Variants in LMF1 observed in about 807,000 individuals in gnomAD.
LMF1 encodes the protein transmembrane protein 112.
In LMF1, 68 loss-of-function variants were observed where a neutral mutation model predicts 60.6. The observed-to-expected ratio is 1.12, with a 90% confidence interval of 0.92 to 1.37. The LOEUF is 1.37. Ranked by LOEUF, LMF1 falls within the 40% of genes most tolerant of loss-of-function variation. The probability of loss-of-function intolerance (pLI) is 0.00; values close to 1 mark genes in which losing one functional copy is unlikely to be tolerated. For missense variants in LMF1, 948 were observed against 767.2 expected, an observed-to-expected ratio of 1.24 and a Z score of -2.78; for synonymous variants, 418 against 324.7, an observed-to-expected ratio of 1.29 and a Z score of -3.09.
intron 1 of LMF1, among the ~76,000 whole-genome samples, chr16:963,346 C>T (rs1041375044): frequency 6.6e-6 from 1 of 152,122 alleles, no homozygotes. Flanking sequence ...GCTTCCACAG[C>T]TCAGGCCAGT....
At chr16:863,951 AAAC>A (rs1268728405) in intron 10 of LMF1, among the ~76,000 whole-genome samples, 1 of 152,242 alleles carries the variant, frequency 6.6e-6, no homozygotes, top group Non-Finnish European at 1.5e-5. Flanking sequence ...CATATTCTAT[AAAC>A]ATCATTAGGC....
chr16:956,213 C>T (rs867339348), intron 1 of LMF1, among the ~76,000 whole-genome samples: 46 of 142,262 alleles, frequency 3.2e-4, no homozygotes, highest in Middle Eastern at 4.0e-3. Context: ...TCCGAGTTCA[C>T]GTCCCACGGC....
intron 2 of LMF1, among the ~76,000 whole-genome samples, chr16:950,017 C>T (rs547184): frequency 8.2e-5 from 9 of 109,740 alleles, no homozygotes; most frequent in East Asian, 2.5e-4. Flanking sequence ...TCAGAGCCAA[C>T]GACAGAGTCA....
chr16:941,813 C>T (rs76133478), intron 2 of LMF1, among the ~76,000 whole-genome samples: 13 of 152,288 alleles, frequency 8.5e-5, no homozygotes, highest in East Asian at 5.8e-4. Context: ...TCTCGCTTCA[C>T]GTAGAATTTA....
intron 3 of LMF1, among the ~76,000 whole-genome samples, chr16:919,839 C>T (rs1488554784): frequency 2.0e-5 from 3 of 152,116 alleles, no homozygotes; most frequent in Non-Finnish European, 4.4e-5. Flanking sequence ...GGTGAAGCAG[C>T]CAGCATCCAC....
chr16:858,739 T>A (rs376401245), intron 10 of LMF1, among the ~76,000 whole-genome samples: 2,009 of 23,780 alleles, frequency 0.084, 199 homozygotes, highest in Middle Eastern at 0.13. Context: ...GAGTGGTGTC[T>A]CGGGACGGGT....
At chr16:881,705 C>T (rs765019391) in intron 5 of LMF1, among the ~76,000 whole-genome samples, 36 of 152,202 alleles carry the variant, frequency 2.4e-4, no homozygotes, top group Non-Finnish European at 4.6e-4. Flanking sequence ...TGCCACTTCC[C>T]TTTTAGGCTG....
chr16:972,496 A>T (rs2073069042), upstream of LMF1, among the ~76,000 whole-genome samples: 1 of 152,118 alleles, frequency 6.6e-6, no homozygotes, highest in African/African-American at 2.4e-5. Context: ...CCAGCTTAGG[A>T]AGGGCCGGCA....
chr16:970,997 C>CTCCCGGAGGCCCCGCCCAT (rs1567343088), upstream of LMF1: 1 of 1,447,046 alleles, frequency 6.9e-7, no homozygotes. Context: ...GGAGGGCGCA[C>CTCCCGGAGGCCCCGCCCAT]TCCCGGAGGC....
rs1257249441 is a variant in LMF1, at chr16:954,539, G to A, written c.321C>T (p.Phe107=). 12 of 1,613,176 alleles carry A rather than the reference G, an allele frequency of 7.4e-6. 1 individual carries two copies. Among genetic ancestry groups the A allele is most frequent in the South Asian group, 6.6e-5 (6 of 91,010 alleles). Residue 107 remains phenylalanine, a synonymous_variant, in exon 2 of 11, where the codon TTC becomes TTT. Coordinates refer to ENST00000262301, the MANE Select transcript of LMF1 (RefSeq NM_022773.4). ...GCCAGAGGATGGTGGGCATGTAGCT[G>A]AAGACTTCCCAGCTCGTCCTGTCCT... is the stretch of plus-strand genomic sequence containing the variant. The part of the protein sequence containing the change: ...YFQDRTSWEV[F]SYMPTILWLM...
intron 10 of LMF1, among the ~76,000 whole-genome samples, chr16:857,381 G>C (rs573810443): frequency 6.6e-6 from 1 of 152,362 alleles, no homozygotes; most frequent in Non-Finnish European, 1.5e-5. Flanking sequence ...ATCTTTGCCA[G>C]CATGTGGGGT....
Position 874,761 on chromosome 16 carries a change from A to G in LMF1, c.898-3420T>C, listed in dbSNP as rs2069921520. On this transcript the variant is annotated intron_variant, in intron 6 of 10. Coordinates refer to ENST00000262301, the MANE Select transcript of LMF1 (RefSeq NM_022773.4). This position sits in a 1 kb window ranked among gnomAD's most constrained non-coding sequence, Gnocchi z 4.1. ...CGCTCAGATGGGAACACACGGAACC[A>G]GGACAGGCTCCAGGCAGGCGGCGCT... is the stretch of plus-strand genomic sequence containing the variant. 6.6e-6 allele frequency among the ~76,000 whole-genome samples: 1 copy of G among 151,736 alleles called. No homozygotes were observed. Among genetic ancestry groups the G allele is most frequent in the Non-Finnish European group, 1.5e-5 (1 of 67,872 alleles).
intron 5 of LMF1, among the ~76,000 whole-genome samples, chr16:880,473 G>A (rs1258791922): frequency 1.3e-5 from 2 of 152,200 alleles, no homozygotes; most frequent in African/African-American, 4.8e-5. Flanking sequence ...GGAGTTTGAA[G>A]CCAGCCTGGA....
intron 10 of LMF1, among the ~76,000 whole-genome samples, chr16:856,944 C>T (rs1196120614): frequency 6.6e-6 from 1 of 152,260 alleles, no homozygotes; most frequent in Non-Finnish European, 1.5e-5. Context: ...GCCCGGACCC[C>T]CGTGTCCTTC....
In LMF1 at chr16:879,619, A is replaced by T. The variant is rs1171510658; in HGVS notation, c.848T>A (p.Leu283His). 5.0e-6 allele frequency: 8 copies of T among 1,613,428 alleles called. No homozygotes were observed. The highest frequency in any genetic ancestry group is 6.8e-6 in the Non-Finnish European group (8 of 1,179,740). ...GTGGATGATGCACGCCCGCCGGCCG[A>T]GGAAGAGGAAGAAGGGCACCAGGAG... ...IELLVPFFLF[L>H]GRRACIIHGV... The change falls in exon 6 of 11, where the codon CTC becomes CAC. Residue 283 changes from leucine (L) to histidine (H), a missense_variant. Leu to His is a moderately conservative substitution (Grantham distance 99, BLOSUM62 -3). Transcript: ENST00000262301.
At chr16:959,086 C>A (rs2072769788) in intron 1 of LMF1, among the ~76,000 whole-genome samples, 1 of 152,162 alleles carries the variant, frequency 6.6e-6, no homozygotes, top group Non-Finnish European at 1.5e-5. Context: ...AGGCCTTCAA[C>A]CTGAAAGTGT....
At chr16:883,636 C>T (rs1438136328) in intron 5 of LMF1, 1 of 152,234 alleles carries the variant, frequency 6.6e-6, no homozygotes, top group Non-Finnish European at 1.5e-5. Flanking sequence ...GTGTAAGCCT[C>T]CTCACATCCT....
chr16:907,355 C>T (rs543128750), intron 4 of LMF1, among the ~76,000 whole-genome samples: 11 of 151,898 alleles, frequency 7.2e-5, no homozygotes, highest in South Asian at 6.3e-4. Flanking sequence ...GAGCCGAGAT[C>T]GTGCCACTAC....
chr16:871,390 C>A, intron 6 of LMF1, 49 bp from the exon 7 acceptor site: 2 of 1,585,930 alleles, frequency 1.3e-6, no homozygotes, highest in Non-Finnish European at 1.7e-6. Context: ...GTGTGGGGCC[C>A]CTGGGCAGCT....
Sources: gnomAD v4.1 joint callset for allele counts (sites outside exome capture counted in the v4.1 genomes callset) on GRCh38, gnomAD v4.1.1 for gene constraint, Gnocchi (gnomAD v3.1) non-coding constraint, MANE v1.5 for transcripts, NCBI Gene and HGNC (gene_info 2026-07-23, HGNC 2026-07-21) for gene names.